The following TIAM1 variants were observed in gnomAD, a reference collection of about 807,000 sequenced individuals.
The protein encoded by TIAM1 is rho guanine nucleotide exchange factor TIAM1.
TIAM1 carries 65 observed loss-of-function variants against 163.5 expected under a neutral mutation model. That is an observed-to-expected ratio of 0.40 (90% CI 0.33 to 0.49). TIAM1 has a LOEUF of 0.49. Ranked by LOEUF, TIAM1 falls within the 20% of genes least tolerant of loss-of-function variation. TIAM1 has a pLI of 0.77. For missense variants in TIAM1, 1,789 were observed against 2,044.7 expected (o/e 0.87, Z 2.41); for synonymous variants, 833 against 810.1 (o/e 1.03, Z -0.48).
chr21:31,251,728 C>T lies in TIAM1; in HGVS notation c.1411+14G>A, dbSNP rs1341215692. The stretch of plus-strand genomic sequence containing the variant: ...GGTGCATTTGGCACATAGCCGGGGC[C>T]CTCCCGCTCTCACCTTTCAGGGACA... On this transcript the variant is annotated intron_variant, in intron 5 of 27. Coordinates refer to ENST00000541036, the MANE Select transcript of TIAM1 (RefSeq NM_001353694.2). 1.3e-6 allele frequency: 2 copies of T among 1,561,334 alleles called. No homozygotes were observed. The highest frequency in any genetic ancestry group is 1.7e-6 in the Non-Finnish European group (2 of 1,149,050).
At position 31,451,287 on chromosome 21, in the gene TIAM1, G is replaced by T. The variant is rs946794370; in HGVS notation, c.-369+12696C>A. 2.6e-5 allele frequency among the ~76,000 whole-genome samples: 4 copies of T among 152,256 alleles called. No homozygotes were observed. In the East Asian group the frequency reaches 7.7e-4, roughly 29 times the overall value. On this transcript the variant is annotated intron_variant, in intron 2 of 28. Transcript: ENST00000286827. ...CAGCCATCAGCAGAGTCGGCCACGG[G>T]GACAGGAGGGCTTGGTGACTGGCTG...
At chr21:31,223,154 C>G (rs2087721608) in intron 8 of TIAM1, among the ~76,000 whole-genome samples, 1 of 152,118 alleles carries the variant, frequency 6.6e-6, no homozygotes, top group Non-Finnish European at 1.5e-5. Context: ...TACATGTGAA[C>G]AGCGCTGAAG....
chr21:31,249,239 C>A (rs1278610199), intron 5 of TIAM1, among the ~76,000 whole-genome samples: 1 of 152,160 alleles, frequency 6.6e-6, no homozygotes, highest in African/African-American at 2.4e-5. Context: ...GGAATTTGAA[C>A]ATAGACAAGT....
At chr21:31,430,798 G>A (rs1398955522) in intron 2 of TIAM1, among the ~76,000 whole-genome samples, 3 of 151,902 alleles carry the variant, frequency 2.0e-5, no homozygotes, top group Admixed American at 2.0e-4. Flanking sequence ...CTTAGATTTT[G>A]AGTCTATCAT....
chr21:31,301,098 T>C lies in TIAM1; in HGVS notation c.-188-24190A>G, dbSNP rs141058075. On this transcript the variant is annotated intron_variant, in intron 2 of 27. Transcript: ENST00000541036. ...GAGATTATAAGATGTGATCACTTTT[T>C]GTTAACAACCATACACAACAGCTAT... Among the ~76,000 whole-genome samples, 375 of 152,334 alleles carry C rather than the reference T, an allele frequency of 2.5e-3. 2 individuals carry two copies. Among genetic ancestry groups the C allele is most frequent in the African/African-American group, 8.3e-3 (345 of 41,576 alleles).
intron 6 of TIAM1, among the ~76,000 whole-genome samples, chr21:31,244,167 A>G (rs1364762041): frequency 6.6e-6 from 1 of 152,202 alleles, no homozygotes; most frequent in African/African-American, 2.4e-5. Context: ...CTTTGTCTTT[A>G]TATAATCAAA....
At chr21:31,234,767 G>A (rs1425095284) in intron 6 of TIAM1, among the ~76,000 whole-genome samples, 2 of 89,514 alleles carry the variant, frequency 2.2e-5, no homozygotes, top group African/African-American at 4.5e-5. Flanking sequence ...GGGCGACAGA[G>A]TGAGACCCTG....
intron 12 of TIAM1, among the ~76,000 whole-genome samples, chr21:31,199,570 A>C (rs1601518241): frequency 2.0e-5 from 3 of 147,868 alleles, no homozygotes; most frequent in Non-Finnish European, 1.5e-5. Flanking sequence ...TGGCTTTGCC[A>C]CCCAGGCTGG....
chr21:31,326,710 G>A (rs2075500063), intron 2 of TIAM1, among the ~76,000 whole-genome samples: 1 of 152,168 alleles, frequency 6.6e-6, no homozygotes, highest in Non-Finnish European at 1.5e-5. Flanking sequence ...AAAGGCATTT[G>A]TTACCCAGGG....
At chr21:31,374,504 A>C (rs569637017) in intron 2 of TIAM1, among the ~76,000 whole-genome samples, 1 of 152,270 alleles carries the variant, frequency 6.6e-6, no homozygotes, top group African/African-American at 2.4e-5. Flanking sequence ...CTCAGGACTA[A>C]AGGATCGGAT....
At chr21:31,515,508 G>A (rs1191490033) in intron 1 of TIAM1, among the ~76,000 whole-genome samples, 5 of 152,116 alleles carry the variant, frequency 3.3e-5, no homozygotes, top group Non-Finnish European at 5.9e-5. Context: ...ACTTAGCTTA[G>A]GACTCTGTCA....
chr21:31,421,385 C>T (rs2043565685), intron 2 of TIAM1, among the ~76,000 whole-genome samples: 1 of 152,168 alleles, frequency 6.6e-6, no homozygotes, highest in African/African-American at 2.4e-5. Context: ...CTGACCGATA[C>T]CAGTCTATGG....
intron 8 of TIAM1, among the ~76,000 whole-genome samples, chr21:31,219,615 A>C (rs948821834): frequency 6.6e-6 from 1 of 152,204 alleles, no homozygotes; most frequent in Non-Finnish European, 1.5e-5. Flanking sequence ...TAAAAACAGG[A>C]ATCAAAACGG....
chr21:31,387,647 G>A (rs747556501), intron 2 of TIAM1, among the ~76,000 whole-genome samples: 3 of 150,090 alleles, frequency 2.0e-5, no homozygotes, highest in Non-Finnish European at 4.5e-5. Flanking sequence ...GAAGACCAAG[G>A]ACTTCTCTCT....
chr21:31,210,321 G>A (rs1248794136), intron 10 of TIAM1, 106 bp from the exon 11 acceptor site: 121 of 1,240,648 alleles, frequency 9.8e-5, no homozygotes, highest in Non-Finnish European at 1.3e-4. Context: ...AACAGCCCAG[G>A]GCAGAAGCGG....
Position 31,314,626 on chromosome 21 carries a change from A to G in TIAM1, c.-189+24617T>C, listed in dbSNP as rs1286959727. Among the ~76,000 whole-genome samples, 5 of 152,296 alleles carry G rather than the reference A, an allele frequency of 3.3e-5. No individual in the cohort carries two copies. In the East Asian group the frequency reaches 9.6e-4, roughly 29 times the overall value. ...CCTATTCCAATATATTTTTTTAGAA[A>G]TATTGGCTGCAAACCACTAAAATTA... On this transcript the variant is annotated intron_variant, in intron 2 of 27. Transcript: ENST00000541036.
intron 2 of TIAM1, among the ~76,000 whole-genome samples, chr21:31,329,607 G>A (rs868379718): frequency 2.6e-5 from 4 of 152,158 alleles, no homozygotes; most frequent in Non-Finnish European, 5.9e-5. Flanking sequence ...TGTCCACAGC[G>A]CAGCACATGG....
chr21:31,353,194 T>A (rs2076262477), intron 2 of TIAM1, among the ~76,000 whole-genome samples: 1 of 152,174 alleles, frequency 6.6e-6, no homozygotes. Flanking sequence ...GGGTCAGATA[T>A]GAGTCCAAAA....
intron 1 of TIAM1, among the ~76,000 whole-genome samples, chr21:31,342,027 T>C (rs2076035774): frequency 6.6e-6 from 1 of 151,994 alleles, no homozygotes; most frequent in African/African-American, 2.4e-5. Flanking sequence ...TTTAAAAATA[T>C]TATGAGGACA....
Sources: allele counts gnomAD v4.1 joint callset (sites outside exome capture counted in the v4.1 genomes callset), GRCh38; gene constraint gnomAD v4.1.1; transcripts MANE v1.5; gene names NCBI Gene and HGNC (gene_info 2026-07-23, HGNC 2026-07-21).